GCNT4: variants seen among roughly 807,000 people sequenced by gnomAD.
GCNT4 encodes the protein beta-1,3-galactosyl-O-glycosyl-glycoprotein beta-1,6-N-acetylglucosaminyltransferase 4.
Under a neutral mutation model 31.3 loss-of-function variants are expected in GCNT4, and 17 were observed. The observed-to-expected ratio is 0.54, with a 90% CI of 0.37 to 0.81. The LOEUF is 0.81. Among genes scored for constraint, GCNT4 ranks in the 40% least tolerant of loss-of-function variants. GCNT4 has a pLI of 0.00. For missense variants in GCNT4, 503 were observed against 525.5 expected (o/e 0.96, Z 0.42); for synonymous variants, 158 against 190.6 (o/e 0.83, Z 1.41).
intron 3 of GCNT4, 47 bp downstream of exon 3, chr5:75,047,850 A>G (rs1353463300): frequency 1.3e-5 from 2 of 152,098 alleles, no homozygotes; most frequent in African/African-American, 4.8e-5. Context: ...ATTATTCTGA[A>G]GCTTCTGAAT....
At chr5:75,043,502 G>A (rs533446163) in intron 3 of GCNT4, among the ~76,000 whole-genome samples, 2 of 152,260 alleles carry the variant, frequency 1.3e-5, no homozygotes, top group South Asian at 2.1e-4. Flanking sequence ...TTTTCCTATA[G>A]GAGCCTGATT....
chr5:75,044,696 A>T (rs753283685), intron 3 of GCNT4, among the ~76,000 whole-genome samples: 1 of 151,998 alleles, frequency 6.6e-6, no homozygotes, highest in African/African-American at 2.4e-5. Flanking sequence ...GCACCCAGAC[A>T]CCATCTCCAA....
intron 3 of GCNT4, among the ~76,000 whole-genome samples, chr5:75,037,677 G>A (rs1743228807): frequency 6.6e-6 from 1 of 152,068 alleles, no homozygotes; most frequent in African/African-American, 2.4e-5. Context: ...AGGAGTTTGA[G>A]ACCAGCCTGG....
At chr5:75,053,424 C>T (rs1227306665), upstream of GCNT4, among the ~76,000 whole-genome samples, 1 of 152,084 alleles carries the variant, frequency 6.6e-6, no homozygotes, top group African/African-American at 2.4e-5. Context: ...AGCAGAGGGT[C>T]GGGGCGTCCC....
chr5:75,028,928 C>T lies in GCNT4; in HGVS notation c.1110G>A (p.Lys370=). Residue 370 remains lysine (K), a synonymous_variant, in exon 4 of 4, where the codon AAG becomes AAA. Transcript: ENST00000652361. Reference sequence around the variant, plus strand: ...AGAAAAAGCCTTCATAGTAATTCCACTTGACAAGGCGAGTCTTACTCTGCA... The same window carrying T: ...AGAAAAAGCCTTCATAGTAATTCCATTTGACAAGGCGAGTCTTACTCTGCA... The part of the protein sequence containing the change: ...SDLQSKTRLV[K]WNYYEGFFYP... The T allele has an allele frequency of 1.2e-6, 2 of 1,613,944 alleles. No homozygotes were observed. The highest frequency in any genetic ancestry group is 1.7e-5 in the Admixed American group (1 of 60,026).
chr5:75,017,063 A>G, the GCNT4 span, among the ~76,000 whole-genome samples: 2,048 of 152,322 alleles, frequency 0.013, 20 homozygotes, highest in South Asian at 0.03. Context: ...ACTAGACTAG[A>G]GTTCCTGGAG....
chr5:75,053,602 C>T (rs947511258), upstream of GCNT4, among the ~76,000 whole-genome samples: 1 of 152,108 alleles, frequency 6.6e-6, no homozygotes, highest in Non-Finnish European at 1.5e-5. Flanking sequence ...TCTGGGTTCC[C>T]AGGCTCTCCG....
chr5:75,031,973 C>T (rs559177819), intron 3 of GCNT4, among the ~76,000 whole-genome samples: 30 of 152,286 alleles, frequency 2.0e-4, no homozygotes, highest in Non-Finnish European at 4.0e-4. Flanking sequence ...CAATTTCATT[C>T]AAGAGAATTG....
At chr5:75,048,437 C>T (rs1272300849) in intron 2 of GCNT4, among the ~76,000 whole-genome samples, 2 of 152,098 alleles carry the variant, frequency 1.3e-5, no homozygotes, top group Non-Finnish European at 2.9e-5. Flanking sequence ...CGTGGAGAAA[C>T]GTGGTTTGAC....
chr5:75,038,873 G>A (rs1743256719), intron 3 of GCNT4, among the ~76,000 whole-genome samples: 2 of 152,266 alleles, frequency 1.3e-5, no homozygotes, highest in East Asian at 3.9e-4. Context: ...GGATTGGACA[G>A]AGGAGGGATG....
At chr5:75,040,993 A>G (rs1743303497) in intron 3 of GCNT4, among the ~76,000 whole-genome samples, 1 of 152,238 alleles carries the variant, frequency 6.6e-6, no homozygotes, top group East Asian at 1.9e-4. Context: ...ATAACCAAAA[A>G]AGTTATTTAA....
rs2149953096 is a variant in GCNT4, at chr5:75,030,108, AC to A, written c.-1-71del. 3 of 1,434,282 alleles carry A rather than the reference AC, an allele frequency of 2.1e-6. No individual in the cohort carries two copies. The East Asian group carries it at 6.9e-5, about 33-fold the overall frequency. 88.8% of individuals were successfully genotyped at this position (1,434,282 alleles called of 1,614,324 possible). On this transcript the variant is annotated intron_variant, in intron 3 of 3. Coordinates refer to ENST00000652361, the MANE Select transcript of GCNT4 (RefSeq NM_001366737.1). ...AATCAGGTCAGTTTATCCAAAATCTACTGGGCGCCTACCACATACTAGGCAA... is the reference window on the plus strand; with the variant it reads ...AATCAGGTCAGTTTATCCAAAATCTATGGGCGCCTACCACATACTAGGCAA...
At position 75,029,741 on chromosome 5, in the gene GCNT4, C is replaced by G. The variant is rs753689764; in HGVS notation, c.297G>C (p.Glu99Asp). The G allele has an allele frequency of 1.9e-6, 3 of 1,614,016 alleles. No homozygotes were observed. The African/African-American group carries it at 4.0e-5, about 22-fold the overall frequency. ...EIRRRDIIDL[E>D]DDDVVAMTSD... Reference sequence around the variant, plus strand: ...TGGTCATTGCCACAACATCATCATCCTCCAAGTCAATGATGTCCCTTCTTC... The same window carrying G: ...TGGTCATTGCCACAACATCATCATCGTCCAAGTCAATGATGTCCCTTCTTC... Residue 99 changes from glutamate (E) to aspartate (D), a missense_variant, in exon 4 of 4, where the codon GAG becomes GAC. By Grantham distance (45) the Glu-to-Asp change is conservative. Transcript: ENST00000652361.
At chr5:75,032,922 T>TGTGTGTGTGTGTGTGTGA (rs1365905626) in intron 3 of GCNT4, among the ~76,000 whole-genome samples, 2 of 145,804 alleles carry the variant, frequency 1.4e-5, no homozygotes, top group Non-Finnish European at 3.0e-5. Context: ...TGTGTGTGTG[T>TGTGTGTGTGTGTGTGTGA]GATTAATTCA....
At position 75,026,563 on chromosome 5, in the gene GCNT4, A is replaced by G. The variant is rs936297751; in HGVS notation, c.*2113T>C. The G allele has an allele frequency of 6.7e-6, 1 of 150,240 alleles. No homozygotes were observed. Among genetic ancestry groups the G allele is most frequent in the African/African-American group, 2.5e-5 (1 of 40,484 alleles). 9.3% of individuals were successfully genotyped at this position (150,240 alleles called of 1,614,324 possible). ...GGGTTGGACCTTTGCCTATACTACT[A>G]CAGGTATCACTCTCTGACATTGAAA... On this transcript the variant is annotated 3_prime_UTR_variant, in exon 4 of 4. Coordinates refer to ENST00000652361, the MANE Select transcript of GCNT4 (RefSeq NM_001366737.1).
chr5:75,053,366 G>A (rs991200685), upstream of GCNT4, among the ~76,000 whole-genome samples: 2 of 152,100 alleles, frequency 1.3e-5, no homozygotes, highest in Non-Finnish European at 2.9e-5. Context: ...GCCTGGAGAT[G>A]GACGCGGCGC....
chr5:75,052,964 C>G (rs1045394902), upstream of GCNT4: 1 of 152,128 alleles, frequency 6.6e-6, no homozygotes, highest in African/African-American at 2.4e-5. Flanking sequence ...CGCCCACGAG[C>G]CGCTTCTTGG....
intron 3 of GCNT4, among the ~76,000 whole-genome samples, chr5:75,045,643 C>T (rs528224434): frequency 2.8e-4 from 42 of 152,320 alleles, no homozygotes; most frequent in African/African-American, 1.0e-3. Context: ...TCAAGAATAT[C>T]CCCTATATAA....
At chr5:75,018,040 C>T in the GCNT4 span, among the ~76,000 whole-genome samples, 1 of 152,120 alleles carries the variant, frequency 6.6e-6, no homozygotes, top group East Asian at 1.9e-4. Context: ...AATACCAAAT[C>T]AGAACTTTCA....
Sources: allele counts gnomAD v4.1 joint callset (sites outside exome capture counted in the v4.1 genomes callset), GRCh38; gene constraint gnomAD v4.1.1; transcripts MANE v1.5; gene names NCBI Gene and HGNC (gene_info 2026-07-23, HGNC 2026-07-21).